Variants in RPAP1 observed in about 807,000 individuals in gnomAD.
RPAP1 encodes the protein RNA polymerase II-associated protein 1.
A neutral mutation model predicts 142.4 loss-of-function variants in RPAP1; 109 were observed. The observed-to-expected ratio is 0.77, with a 90% CI of 0.66 to 0.90. The LOEUF is 0.90. Ranked by LOEUF, RPAP1 falls within the 40% of genes least tolerant of loss-of-function variation. The pLI is 0.00. For missense variants in RPAP1, 1,546 were observed against 1,751.7 expected (o/e 0.88, Z 2.10); for synonymous variants, 704 against 738.9 (o/e 0.95, Z 0.77).
chr15:41,520,870 G>A lies in RPAP1; in HGVS notation c.3316C>T (p.Leu1106=). The A allele has an allele frequency of 1.2e-6, 2 of 1,613,842 alleles. No homozygotes were observed. The highest frequency in any genetic ancestry group is 1.3e-5 in the African/African-American group (1 of 75,060). The change falls in exon 22 of 25, where the codon CTG becomes TTG. Residue 1106 remains leucine, a synonymous_variant. Transcript: ENST00000304330. ...GAAGCCCGGTGGTAGAGGCGAATCA[G>A]TGGCAGGAAGGGCCAGTCGGTGGGC... is the stretch of plus-strand genomic sequence containing the variant. ...LLPTDWPFLP[L]IRLYHRASDT...
chr15:41,527,159 T>G lies in RPAP1; in HGVS notation c.1746+8A>C. 6.2e-7 allele frequency: 1 copy of G among 1,614,160 alleles called. No homozygotes were observed. Among genetic ancestry groups the G allele is most frequent in the Non-Finnish European group, 8.5e-7 (1 of 1,179,996 alleles). Reference sequence around the variant, plus strand: ...TTTTTGCCCATTCCCTGCTCCCTTTTTTCTCACCCTTGTGGCTGATTCCAG... The same window carrying G: ...TTTTTGCCCATTCCCTGCTCCCTTTGTTCTCACCCTTGTGGCTGATTCCAG... On this transcript the variant is annotated splice_region_variant and intron_variant, in intron 13 of 24. Coordinates refer to ENST00000304330, the MANE Select transcript of RPAP1 (RefSeq NM_015540.4).
chr15:41,524,621 G>A (rs2051769837), intron 15 of RPAP1, among the ~76,000 whole-genome samples: 1 of 151,954 alleles, frequency 6.6e-6, no homozygotes, highest in South Asian at 2.1e-4. Flanking sequence ...GATTACAGGT[G>A]TGTGCCACCA....
intron 3 of RPAP1, 61 bp from the exon 4 acceptor site, chr15:41,536,279 G>C (rs1037335387): frequency 1.3e-6 from 2 of 1,498,390 alleles, no homozygotes; most frequent in Non-Finnish European, 1.9e-6. Context: ...GGCTGGACCC[G>C]ATCCTATTAG....
chr15:41,524,900 T>G (rs1315264091), intron 15 of RPAP1, 91 bp downstream of exon 15: 24 of 1,347,516 alleles, frequency 1.8e-5, no homozygotes, highest in Non-Finnish European at 2.5e-5. Flanking sequence ...CCTCCAAGCT[T>G]GGGACCTTGA....
At chr15:41,523,999 G>C (rs1192774007) in intron 16 of RPAP1, 27 bp from the exon 17 acceptor site, 14 of 1,613,074 alleles carry the variant, frequency 8.7e-6, no homozygotes, top group Non-Finnish European at 1.2e-5. Flanking sequence ...GGGTGCCACA[G>C]TGAGGATCTG....
rs184673233 is a variant in RPAP1 at position 41,520,636 on chromosome 15, C to T, written c.3550G>A (p.Ala1184Thr). 15 of 1,614,172 alleles carry T rather than the reference C, an allele frequency of 9.3e-6. No individual in the cohort carries two copies. In the East Asian group the frequency reaches 1.1e-4, roughly 12 times the overall value. Reference protein sequence around the residue: ...PVQHLVAALLAQLCQPQVLPN... With the variant: ...PVQHLVAALLTQLCQPQVLPN... Reference sequence around the variant, plus strand: ...AAGACTTGAGGCTGACAGAGCTGGGCGAGGAGGGCTGCCACCAGATGCTGT... The same window carrying T: ...AAGACTTGAGGCTGACAGAGCTGGGTGAGGAGGGCTGCCACCAGATGCTGT... The change falls in exon 22 of 25, where the codon GCC becomes ACC. Residue 1184 changes from alanine to threonine, a missense_variant. Ala to Thr is a moderately conservative substitution (Grantham distance 58). Around this residue, in one of 3 missense-constraint regions of RPAP1, gnomAD observed 3 missense variants for 17.1 expected, o/e 0.18. Transcript: ENST00000304330.
chr15:41,517,282 GC>G lies in RPAP1; in HGVS notation c.*259del, dbSNP rs2051673890. Reference sequence around the variant, plus strand: ...AGGTAAGAAGGGATGCATTTAGTTTGCCCTGTCCCCAAAGAGCGGGTAAATA... The same window carrying G: ...AGGTAAGAAGGGATGCATTTAGTTTGCCTGTCCCCAAAGAGCGGGTAAATA... On this transcript the variant is annotated 3_prime_UTR_variant, in exon 25 of 25. Coordinates refer to ENST00000304330, the MANE Select transcript of RPAP1 (RefSeq NM_015540.4). 1 of 353,088 alleles carries G rather than the reference GC, an allele frequency of 2.8e-6. No homozygotes were observed. Among genetic ancestry groups the G allele is most frequent in the Admixed American group, 4.3e-5 (1 of 23,348 alleles). 21.9% of individuals were successfully genotyped at this position (353,088 alleles called of 1,614,324 possible).
At chr15:41,528,553 C>A (rs1044569885) in intron 9 of RPAP1, among the ~76,000 whole-genome samples, 1 of 152,060 alleles carries the variant, frequency 6.6e-6, no homozygotes, top group Non-Finnish European at 1.5e-5. Context: ...TTGCGACCGG[C>A]GGACAGGAGA....
intron 8 of RPAP1, 78 bp downstream of exon 8, chr15:41,529,786 G>C: frequency 3.7e-6 from 4 of 1,081,282 alleles, no homozygotes; most frequent in South Asian, 1.6e-5. Context: ...AGAAAGGCCT[G>C]AGTTCTGAGG....
intron 1 of RPAP1, among the ~76,000 whole-genome samples, chr15:41,537,883 C>CAAAAA (rs34270949): frequency 7.6e-6 from 1 of 131,580 alleles, no homozygotes; most frequent in Non-Finnish European, 1.6e-5. Context: ...AACTCCGTCT[C>CAAAAA]AAAAAAAAAA....
chr15:41,530,323 T>C (rs879341129), intron 7 of RPAP1, among the ~76,000 whole-genome samples: 1 of 152,114 alleles, frequency 6.6e-6, no homozygotes, highest in Non-Finnish European at 1.5e-5. Flanking sequence ...CCATCTCCAC[T>C]TTCCAGTACC....
In RPAP1 at chr15:41,521,770, C is replaced by G. The variant is rs1242386056; in HGVS notation, c.3006G>C (p.Leu1002=). Reference sequence around the variant, plus strand: ...ACTCCAGCCGGAATACACAGCTCAGCAGCAGCTCATGGGTGAGGTACTCAC... The same window carrying G: ...ACTCCAGCCGGAATACACAGCTCAGGAGCAGCTCATGGGTGAGGTACTCAC... ...PGSEYLTHEL[L]LSCVFRLEFL... The change falls in exon 21 of 25, where the codon CTG becomes CTC. Residue 1002 remains leucine, a synonymous_variant. Coordinates refer to ENST00000304330, the MANE Select transcript of RPAP1 (RefSeq NM_015540.4). The G allele has an allele frequency of 6.2e-7, 1 of 1,614,084 alleles. No individual in the cohort carries two copies. The highest frequency in any genetic ancestry group is 1.3e-5 in the African/African-American group (1 of 74,942).
intron 11 of RPAP1, 37 bp from the exon 12 acceptor site, chr15:41,527,642 G>A (rs1464850606): frequency 6.3e-7 from 1 of 1,581,624 alleles, no homozygotes; most frequent in South Asian, 1.2e-5. Flanking sequence ...CAATGCTGAA[G>A]GGGCCAGGAA....
Position 41,523,810 on chromosome 15 carries a change from C to G in RPAP1, c.2397G>C (p.Leu799=). Residue 799 remains leucine, a synonymous_variant, in exon 17 of 25, where the codon CTG becomes CTC. Transcript: ENST00000304330. ...RAVGPVPVAC[L]LFLGAYYQAW... is the part of the protein sequence containing the mutation. ...CCTGGTAGTAGGCTCCCAGGAACAA[C>G]AGGCAGGCAACGGGCACTGGGCCCA... The G allele has an allele frequency of 6.2e-7, 1 of 1,608,806 alleles. No homozygotes were observed.
intron 1 of RPAP1, among the ~76,000 whole-genome samples, chr15:41,540,653 G>A (rs184941588): frequency 6.6e-5 from 10 of 152,260 alleles, no homozygotes; most frequent in African/African-American, 2.4e-4. Flanking sequence ...GTGCTGAGAA[G>A]TTAAGTATTT....
At chr15:41,539,270 C>G (rs996919760) in intron 1 of RPAP1, among the ~76,000 whole-genome samples, 13 of 151,502 alleles carry the variant, frequency 8.6e-5, no homozygotes, top group African/African-American at 3.2e-4. Context: ...CCACACTCAG[C>G]TAATTTTTGT....
intron 18 of RPAP1, 38 bp from the exon 19 acceptor site, chr15:41,522,998 C>T (rs997262913): frequency 5.4e-6 from 8 of 1,475,182 alleles, no homozygotes; most frequent in Non-Finnish European, 7.2e-6. Context: ...GGACTCTGGC[C>T]TGGCGTGTGC....
intron 1 of RPAP1, among the ~76,000 whole-genome samples, chr15:41,539,233 C>G (rs1298812857): frequency 6.6e-6 from 1 of 151,906 alleles, no homozygotes; most frequent in Non-Finnish European, 1.5e-5. Flanking sequence ...CTCAGTCTCC[C>G]AAAAAGCTAG....
chr15:41,522,670 G>A (rs913738124), intron 19 of RPAP1, 95 bp downstream of exon 19: 17 of 1,120,522 alleles, frequency 1.5e-5, no homozygotes, highest in South Asian at 1.2e-4. Context: ...GATTACAGGC[G>A]TGAGCCACCG....
Sources: gnomAD v4.1 joint callset for allele counts (sites outside exome capture counted in the v4.1 genomes callset) on GRCh38, gnomAD v4.1.1 for gene constraint, gnomAD v4.1.1 regional missense constraint, MANE v1.5 for transcripts, NCBI Gene and HGNC (gene_info 2026-07-23, HGNC 2026-07-21) for gene names.